RXFP1: variants seen among roughly 807,000 people sequenced by gnomAD.
RXFP1 encodes relaxin receptor 1.
A neutral mutation model predicts 89.8 loss-of-function variants in RXFP1; 73 were observed. The observed-to-expected ratio is 0.81, with a 90% CI of 0.67 to 0.99. The LOEUF is 0.99. Among genes scored for constraint, RXFP1 ranks in the 50% least tolerant of loss-of-function variants. The pLI is 0.00. For synonymous variants in RXFP1, 277 were observed against 305.5 expected (o/e 0.91, Z 0.97); for missense variants, 793 against 895.5 (o/e 0.89, Z 1.46).
At chr4:158,609,933 C>T (rs1324105789) in intron 6 of RXFP1, among the ~76,000 whole-genome samples, 5 of 152,220 alleles carry the variant, frequency 3.3e-5, no homozygotes. Flanking sequence ...TCCTCCCTCT[C>T]TTTTCATAGC....
chr4:158,537,845 G>A (rs1227600640), intron 1 of RXFP1, among the ~76,000 whole-genome samples: 3 of 152,188 alleles, frequency 2.0e-5, no homozygotes, highest in African/African-American at 7.2e-5. Flanking sequence ...TAGTGGAATA[G>A]GATAGTAACT....
intron 2 of RXFP1, among the ~76,000 whole-genome samples, chr4:158,581,104 T>C (rs1396782496): frequency 6.6e-6 from 1 of 152,256 alleles, no homozygotes; most frequent in African/African-American, 2.4e-5. Context: ...CATGACTATT[T>C]GTGACACTAT....
chr4:158,589,481 C>A (rs1311438493), intron 2 of RXFP1, among the ~76,000 whole-genome samples: 1 of 152,154 alleles, frequency 6.6e-6, no homozygotes, highest in African/African-American at 2.4e-5. Flanking sequence ...GCATGCTGGG[C>A]TCTGGCTCCA....
chr4:158,649,112 A>T (rs63307061), intron 17 of RXFP1, among the ~76,000 whole-genome samples: 1 of 146,166 alleles, frequency 6.8e-6, no homozygotes, highest in Non-Finnish European at 1.5e-5. Context: ...AAAAAAAAAA[A>T]TTGTAAAAAT....
Position 158,651,984 on chromosome 4 carries a change from C to G in RXFP1, c.2203C>G (p.Pro735Ala). The change falls in exon 18 of 18, where the codon CCG becomes GCG. Residue 735 changes from proline (P) to alanine (A), a missense_variant. Transcript: ENST00000307765. ...LQEMPPELMK[P>A]DLFTYPCEMS... Reference sequence around the variant, plus strand: ...GGAGATGCCACCTGAGTTAATGAAGCCGGACCTTTTCACATACCCCTGTGA... The same window carrying G: ...GGAGATGCCACCTGAGTTAATGAAGGCGGACCTTTTCACATACCCCTGTGA... 1 of 1,614,124 alleles carries G rather than the reference C, an allele frequency of 6.2e-7. No homozygotes were observed. The highest frequency in any genetic ancestry group is 8.5e-7 in the Non-Finnish European group (1 of 1,180,006).
intron 2 of RXFP1, among the ~76,000 whole-genome samples, chr4:158,579,342 C>T (rs570716296): frequency 1.3e-5 from 2 of 152,270 alleles, no homozygotes; most frequent in South Asian, 4.2e-4. Context: ...AATCTCGGCT[C>T]ACTGCAACCT....
At chr4:158,560,952 G>T (rs370214807) in intron 1 of RXFP1, among the ~76,000 whole-genome samples, 1 of 152,126 alleles carries the variant, frequency 6.6e-6, no homozygotes, top group Admixed American at 6.5e-5. Context: ...GAAGGGTTTT[G>T]GGAATCACTG....
chr4:158,533,105 G>A (rs1231218530), intron 1 of RXFP1, among the ~76,000 whole-genome samples: 1 of 152,184 alleles, frequency 6.6e-6, no homozygotes, highest in Admixed American at 6.5e-5. Flanking sequence ...AAGACTGGAT[G>A]TTCTGTGTCC....
chr4:158,544,792 G>T (rs1275642750), intron 1 of RXFP1, among the ~76,000 whole-genome samples: 1 of 152,048 alleles, frequency 6.6e-6, no homozygotes, highest in Non-Finnish European at 1.5e-5. Context: ...ATTTTTTATG[G>T]CTGCATAGTA....
chr4:158,599,397 G>A lies in RXFP1; in HGVS notation c.358G>A (p.Ala120Thr), dbSNP rs983452915. Residue 120 changes from alanine to threonine, a missense_variant, in exon 4 of 18, where the codon GCT (alanine) becomes ACT (threonine). By Grantham distance (58) the Ala-to-Thr change is moderately conservative (BLOSUM62 0). Transcript: ENST00000307765. ...ELDCDETNLR[A>T]VPSVSSNVTA... ...TGACTGTGATGAAACCAATTTACGA[G>A]CTGTTCCATCGGTTTCTTCAAATGT... is the stretch of plus-strand genomic sequence containing the variant. 3.1e-6 allele frequency: 5 copies of A among 1,613,650 alleles called. No individual in the cohort carries two copies. The East Asian group carries it at 1.1e-4, about 36-fold the overall frequency.
At chr4:158,602,896 A>G (rs993668016) in intron 4 of RXFP1, among the ~76,000 whole-genome samples, 15 of 152,192 alleles carry the variant, frequency 9.9e-5, no homozygotes, top group Admixed American at 8.5e-4. Context: ...CTAAACTTTC[A>G]TCTATATCCT....
intron 1 of RXFP1, among the ~76,000 whole-genome samples, chr4:158,538,733 G>A (rs1745872006): frequency 6.6e-6 from 1 of 152,028 alleles, no homozygotes; most frequent in South Asian, 2.1e-4. Flanking sequence ...GAACTCGGGA[G>A]GCGGAGGTTG....
intron 1 of RXFP1, among the ~76,000 whole-genome samples, chr4:158,567,521 T>C (rs1348193731): frequency 6.6e-6 from 1 of 152,150 alleles, no homozygotes; most frequent in Non-Finnish European, 1.5e-5. Flanking sequence ...ACTCCATATC[T>C]AGTTAATCTG....
At chr4:158,614,095 G>A (rs1423820208) in intron 8 of RXFP1, among the ~76,000 whole-genome samples, 1 of 152,150 alleles carries the variant, frequency 6.6e-6, no homozygotes, top group Non-Finnish European at 1.5e-5. Context: ...TCCCAAGAGT[G>A]GGCTTAAAAT....
chr4:158,586,437 C>T (rs1038957496), intron 2 of RXFP1, among the ~76,000 whole-genome samples: 1 of 152,134 alleles, frequency 6.6e-6, no homozygotes, highest in Non-Finnish European at 1.5e-5. Flanking sequence ...ACCATATCCC[C>T]TAACCCAATA....
intron 9 of RXFP1, among the ~76,000 whole-genome samples, chr4:158,618,183 T>C (rs992307132): frequency 2.0e-5 from 3 of 152,102 alleles, no homozygotes; most frequent in Non-Finnish European, 2.9e-5. Flanking sequence ...ACATCCCTCA[T>C]TAAAATTGAA....
chr4:158,541,997 G>A (rs1746767373), intron 1 of RXFP1, among the ~76,000 whole-genome samples: 1 of 146,566 alleles, frequency 6.8e-6, no homozygotes, highest in African/African-American at 2.5e-5. Flanking sequence ...TCAGCTCACC[G>A]CAACCTCCAC....
At chr4:158,650,432 AATATAT>A (rs149845150) in intron 17 of RXFP1, among the ~76,000 whole-genome samples, 1 of 145,474 alleles carries the variant, frequency 6.9e-6, no homozygotes, top group Non-Finnish European at 1.5e-5. Context: ...AATATATATA[AATATAT>A]ATATATATAT....
Position 158,652,563 on chromosome 4 carries a change from C to T in RXFP1, c.*508C>T, listed in dbSNP as rs1772927547. ...TATTTGCATCATAGAAAATGTCTGA[C>T]TGTTTGCAAAATAATATTCTGTTTT... On this transcript the variant is annotated 3_prime_UTR_variant, in exon 18 of 18. Transcript: ENST00000307765. 6.6e-6 allele frequency: 1 copy of T among 152,252 alleles called. No homozygotes were observed. Among genetic ancestry groups the T allele is most frequent in the Non-Finnish European group, 1.5e-5 (1 of 68,066 alleles). 9.4% of individuals were successfully genotyped at this position (152,252 alleles called of 1,614,324 possible).
Sources: gnomAD v4.1 joint callset for allele counts (sites outside exome capture counted in the v4.1 genomes callset) on GRCh38, gnomAD v4.1.1 for gene constraint, MANE v1.5 for transcripts, NCBI Gene and HGNC (gene_info 2026-07-23, HGNC 2026-07-21) for gene names.